Variants in PIBF1 observed in about 807,000 individuals in gnomAD.
PIBF1 encodes progesterone immunomodulatory binding factor 1, also known as progesterone-induced-blocking factor 1.
Under a neutral mutation model 112.5 loss-of-function variants are expected in PIBF1, and 90 were observed. That is an observed-to-expected ratio of 0.80 (90% CI 0.67 to 0.95). The LOEUF (loss-of-function observed/expected upper bound fraction) is 0.95, where lower values mean the gene tolerates loss of function less well. Ranked by LOEUF, PIBF1 falls within the 40% of genes least tolerant of loss-of-function variation. The pLI is 0.00. For synonymous variants in PIBF1, 301 were observed against 288.6 expected (o/e 1.04, Z -0.44); for missense variants, 915 against 852.3 (o/e 1.07, Z -0.92).
Position 72,938,423 on chromosome 13 carries a change from G to C in PIBF1, c.1833+7156G>C, listed in dbSNP as rs550830544. Among the ~76,000 whole-genome samples the C allele has an allele frequency of 5.9e-5, 9 of 152,106 alleles. No homozygotes were observed. In the South Asian group the frequency reaches 1.9e-3, roughly 32 times the overall value. On this transcript the variant is annotated intron_variant, in intron 14 of 17. Coordinates refer to ENST00000326291, the MANE Select transcript of PIBF1 (RefSeq NM_006346.4). ...TCTCTCTCTCTCTATGGATTTGCCT[G>C]TTCTGGATATGTTATATAAATGAAA...
intron 2 of PIBF1, among the ~76,000 whole-genome samples, chr13:72,785,198 A>T (rs150803120): frequency 6.6e-4 from 100 of 152,214 alleles, no homozygotes; most frequent in Admixed American, 2.5e-3. Flanking sequence ...AGCACACAAG[A>T]CGTATTAGCC....
chr13:72,995,862 T>C (rs560866880), intron 16 of PIBF1, among the ~76,000 whole-genome samples: 85 of 151,422 alleles, frequency 5.6e-4, no homozygotes, highest in Non-Finnish European at 1.1e-3. Flanking sequence ...AGGCAGAGAA[T>C]TGCTTGAACC....
chr13:72,807,743 A>G (rs538904943), intron 5 of PIBF1, among the ~76,000 whole-genome samples: 1 of 152,350 alleles, frequency 6.6e-6, no homozygotes, highest in South Asian at 2.1e-4. Context: ...TTTCTTTTTA[A>G]TAACTATCAA....
intron 14 of PIBF1, among the ~76,000 whole-genome samples, chr13:72,940,141 T>A (rs941989114): frequency 6.6e-6 from 1 of 152,168 alleles, no homozygotes. Context: ...AGGACTTCAA[T>A]GAGATATATA....
chr13:72,999,041 T>C (rs1231655774), intron 17 of PIBF1, 46 bp downstream of exon 17: 13 of 1,233,768 alleles, frequency 1.1e-5, no homozygotes, highest in Non-Finnish European at 1.5e-5. Context: ...TCCTGATTCT[T>C]ACTAAATGTA....
intron 6 of PIBF1, among the ~76,000 whole-genome samples, chr13:72,825,992 G>A (rs1362904461): frequency 1.3e-5 from 2 of 149,828 alleles, no homozygotes; most frequent in Admixed American, 6.6e-5. Context: ...TCACTTGAGT[G>A]CAGTAGTTCA....
intron 14 of PIBF1, among the ~76,000 whole-genome samples, chr13:72,946,797 T>A (rs916505674): frequency 6.6e-6 from 1 of 152,194 alleles, no homozygotes. Flanking sequence ...CCAGGTCACA[T>A]TGATGCAAGA....
chr13:72,977,709 T>A (rs76993985), intron 16 of PIBF1, among the ~76,000 whole-genome samples: 274 of 152,338 alleles, frequency 1.8e-3, no homozygotes, highest in African/African-American at 6.3e-3. Flanking sequence ...ATATTAGTGT[T>A]AGCTCAAAAA....
chr13:72,980,711 G>C (rs891824088), intron 16 of PIBF1, among the ~76,000 whole-genome samples: 1 of 151,660 alleles, frequency 6.6e-6, no homozygotes, highest in African/African-American at 2.4e-5. Flanking sequence ...GGGAGGATCT[G>C]GGAGAATTGC....
chr13:72,926,768 C>T (rs1299118331), intron 13 of PIBF1, among the ~76,000 whole-genome samples: 1 of 152,200 alleles, frequency 6.6e-6, no homozygotes, highest in Admixed American at 6.5e-5. Context: ...TGTTTCTCTG[C>T]TTCTTCACCA....
chr13:72,837,840 C>G (rs556045772), intron 9 of PIBF1, among the ~76,000 whole-genome samples: 32 of 152,206 alleles, frequency 2.1e-4, no homozygotes, highest in South Asian at 4.1e-4. Flanking sequence ...GATTCATTTG[C>G]TTTTGCACTT....
chr13:72,931,951 T>TTTTTTTC (rs2041720174), intron 14 of PIBF1, among the ~76,000 whole-genome samples: 2 of 145,166 alleles, frequency 1.4e-5, no homozygotes, highest in East Asian at 4.0e-4. Context: ...TTTTTTTTTT[T>TTTTTTTC]TTTTTTCTGA....
chr13:72,937,662 A>C (rs2138800797), intron 14 of PIBF1, among the ~76,000 whole-genome samples: 1 of 152,318 alleles, frequency 6.6e-6, no homozygotes, highest in Admixed American at 6.5e-5. Flanking sequence ...TCTACTAAAA[A>C]TACAAAATTT....
At chr13:73,000,090 G>A (rs1050661060) in intron 17 of PIBF1, among the ~76,000 whole-genome samples, 2 of 152,190 alleles carry the variant, frequency 1.3e-5, no homozygotes, top group Non-Finnish European at 2.9e-5. Flanking sequence ...GGATACGTGT[G>A]GCAGTAATGT....
intron 14 of PIBF1, among the ~76,000 whole-genome samples, chr13:72,935,430 AGTTT>A (rs933121943): frequency 2.6e-5 from 4 of 152,120 alleles, no homozygotes; most frequent in Non-Finnish European, 4.4e-5. Context: ...GAAGTACCAC[AGTTT>A]GTTTATCCAT....
chr13:72,986,569 T>A (rs2043292901), intron 16 of PIBF1, among the ~76,000 whole-genome samples: 1 of 152,118 alleles, frequency 6.6e-6, no homozygotes, highest in Non-Finnish European at 1.5e-5. Context: ...TCCCGGAGGC[T>A]GTAACAGCCC....
At chr13:72,844,977 T>C (rs2037802759) in intron 9 of PIBF1, among the ~76,000 whole-genome samples, 1 of 152,000 alleles carries the variant, frequency 6.6e-6, no homozygotes, top group African/African-American at 2.4e-5. Context: ...CTTTTTTATT[T>C]TATTTTATTT....
chr13:72,965,445 T>A (rs778919242), intron 15 of PIBF1, 41 bp downstream of exon 15: 31 of 1,520,286 alleles, frequency 2.0e-5, no homozygotes, highest in Non-Finnish European at 2.7e-5. Flanking sequence ...AATAAAGACA[T>A]TGTTACCATA....
chr13:72,876,227 T>G (rs2039396703), intron 10 of PIBF1, among the ~76,000 whole-genome samples: 1 of 151,618 alleles, frequency 6.6e-6, no homozygotes, highest in Admixed American at 6.6e-5. Flanking sequence ...CCTTTGTCTT[T>G]TTGTCAAACA....
Sources: gnomAD v4.1 joint callset for allele counts (sites outside exome capture counted in the v4.1 genomes callset) on GRCh38, gnomAD v4.1.1 for gene constraint, MANE v1.5 for transcripts, NCBI Gene and HGNC (gene_info 2026-07-23, HGNC 2026-07-21) for gene names.